The following TMEM267 variants were observed in gnomAD, a reference collection of about 807,000 sequenced individuals.
The protein encoded by TMEM267 is transmembrane protein C5orf28.
TMEM267 carries 20 observed loss-of-function variants against 19.3 expected under a neutral mutation model. The ratio of observed to expected loss-of-function variants is 1.04; its 90% CI spans 0.73 to 1.51. The LOEUF (loss-of-function observed/expected upper bound fraction) is 1.51, where lower values mean the gene tolerates loss of function less well. Among genes scored for constraint, TMEM267 ranks in the 40% most tolerant of loss-of-function variants. The pLI is 0.00. For synonymous variants in TMEM267, 88 were observed against 90.3 expected, an observed-to-expected ratio of 0.97 and a Z score of 0.15; for missense variants, 242 against 261.9, an observed-to-expected ratio of 0.92 and a Z score of 0.52.
chr5:43,457,725 T>C (rs1165814671), intron 1 of TMEM267, among the ~76,000 whole-genome samples: 4 of 152,050 alleles, frequency 2.6e-5, no homozygotes, highest in African/African-American at 9.7e-5. Context: ...GTTTATAAAG[T>C]CTATTAATTA....
chr5:43,453,744 C>A lies in TMEM267; in HGVS notation c.226G>T (p.Asp76Tyr), dbSNP rs1742751992. 1 of 1,614,068 alleles carries A rather than the reference C, an allele frequency of 6.2e-7. No individual in the cohort carries two copies. Residue 76 changes from aspartate to tyrosine, a missense_variant, in exon 2 of 3, where the codon GAC (aspartate) becomes TAC (tyrosine). Physicochemically the swap from Asp to Tyr is radical, Grantham distance 160. Transcript: ENST00000397080. ...CCAGCTAAAATGATTTCTCCAAAGT[C>A]AGTCTTCTTCTTGATTCCAGTGACT... ...AVVTGIKKKT[D>Y]FGEIILAGFL...
chr5:43,456,942 T>C (rs1256241332), intron 1 of TMEM267, among the ~76,000 whole-genome samples: 1 of 152,250 alleles, frequency 6.6e-6, no homozygotes, highest in African/African-American at 2.4e-5. Flanking sequence ...CACATGAATG[T>C]TCATAGCAGC....
At chr5:43,469,944 A>C (rs1180301006) in intron 1 of TMEM267, among the ~76,000 whole-genome samples, 1 of 152,234 alleles carries the variant, frequency 6.6e-6, no homozygotes, top group Non-Finnish European at 1.5e-5. Flanking sequence ...CACCTGAGAC[A>C]AATGGATATC....
intron 2 of TMEM267, among the ~76,000 whole-genome samples, chr5:43,451,406 A>G (rs1309644693): frequency 6.6e-6 from 1 of 152,192 alleles, no homozygotes; most frequent in Non-Finnish European, 1.5e-5. Flanking sequence ...CTCAACAAGA[A>G]TAAAACAAAT....
At chr5:43,479,450 A>G (rs1744623957) in intron 1 of TMEM267, among the ~76,000 whole-genome samples, 1 of 151,874 alleles carries the variant, frequency 6.6e-6, no homozygotes, top group Non-Finnish European at 1.5e-5. Context: ...TAAACAACTC[A>G]TACTTGATTG....
At chr5:43,447,823 T>C (rs1157166993) in intron 2 of TMEM267, among the ~76,000 whole-genome samples, 1 of 152,170 alleles carries the variant, frequency 6.6e-6, no homozygotes, top group Non-Finnish European at 1.5e-5. Flanking sequence ...ACTAGGAAGT[T>C]CAGTTTAAGT....
intron 1 of TMEM267, among the ~76,000 whole-genome samples, chr5:43,481,751 T>C (rs1744785151): frequency 6.6e-6 from 1 of 152,108 alleles, no homozygotes; most frequent in African/African-American, 2.4e-5. Flanking sequence ...ACTGCCGACA[T>C]CCTGACTGCA....
intron 1 of TMEM267, among the ~76,000 whole-genome samples, chr5:43,479,273 A>G (rs979814747): frequency 1.4e-4 from 21 of 152,018 alleles, no homozygotes; most frequent in Non-Finnish European, 3.1e-4. Context: ...ATACAGGTCT[A>G]TTAAAAAATC....
At chr5:43,481,106 C>CTT (rs70994700) in intron 1 of TMEM267, among the ~76,000 whole-genome samples, 40 of 124,432 alleles carry the variant, frequency 3.2e-4, no homozygotes, top group East Asian at 7.2e-4. Flanking sequence ...GCCCGGCTTA[C>CTT]TTTTTTTTTT....
intron 1 of TMEM267, among the ~76,000 whole-genome samples, chr5:43,473,718 T>C (rs370245336): frequency 6.6e-5 from 10 of 152,346 alleles, no homozygotes; most frequent in African/African-American, 2.4e-4. Context: ...GCTATCCTCA[T>C]CAAGCTACCA....
At chr5:43,459,193 C>T (rs892968135) in intron 1 of TMEM267, among the ~76,000 whole-genome samples, 1 of 152,046 alleles carries the variant, frequency 6.6e-6, no homozygotes, top group Non-Finnish European at 1.5e-5. Context: ...AAATTATACA[C>T]CCATGTATGA....
intron 1 of TMEM267, among the ~76,000 whole-genome samples, chr5:43,468,289 C>T (rs150754912): frequency 1.3e-5 from 2 of 152,202 alleles, no homozygotes; most frequent in African/African-American, 4.8e-5. Flanking sequence ...AGATGAATTC[C>T]TGGGAACTGC....
At chr5:43,472,115 T>TA (rs1212627876) in intron 1 of TMEM267, among the ~76,000 whole-genome samples, 2 of 152,034 alleles carry the variant, frequency 1.3e-5, no homozygotes, top group Admixed American at 6.6e-5. Context: ...AATAATCTAA[T>TA]AAAAAATGGG....
At chr5:43,476,814 T>G (rs1173071214) in intron 1 of TMEM267, among the ~76,000 whole-genome samples, 1 of 151,852 alleles carries the variant, frequency 6.6e-6, no homozygotes, top group Non-Finnish European at 1.5e-5. Flanking sequence ...GATGTAATAT[T>G]TGACCCAGAT....
intron 1 of TMEM267, among the ~76,000 whole-genome samples, chr5:43,467,937 T>C (rs184582874): frequency 2.0e-5 from 3 of 152,244 alleles, no homozygotes; most frequent in Non-Finnish European, 4.4e-5. Flanking sequence ...GTATCTGCCT[T>C]TCTGGATGGA....
intron 1 of TMEM267, among the ~76,000 whole-genome samples, chr5:43,463,515 A>G: frequency 6.6e-6 from 1 of 152,184 alleles, no homozygotes; most frequent in Admixed American, 6.5e-5. Context: ...AATATCCTTG[A>G]TGAACATTGA....
chr5:43,451,827 C>A (rs977208721), intron 2 of TMEM267, among the ~76,000 whole-genome samples: 2 of 152,024 alleles, frequency 1.3e-5, no homozygotes, highest in Non-Finnish European at 2.9e-5. Context: ...GTAATCCCAG[C>A]ACTTTGGGAG....
At chr5:43,463,152 T>C (rs990966782) in intron 1 of TMEM267, among the ~76,000 whole-genome samples, 2 of 152,190 alleles carry the variant, frequency 1.3e-5, no homozygotes, top group African/African-American at 2.4e-5. Flanking sequence ...CAGAGAATAC[T>C]AGAAACACCT....
intron 1 of TMEM267, among the ~76,000 whole-genome samples, chr5:43,473,139 C>CAAACAA (rs1554033669): frequency 2.4e-5 from 2 of 84,508 alleles, no homozygotes; most frequent in Non-Finnish European, 4.3e-5. Context: ...CTCCGTGTCA[C>CAAACAA]AAAAAAAAAA....
Sources: allele counts gnomAD v4.1 joint callset (sites outside exome capture counted in the v4.1 genomes callset), GRCh38; gene constraint gnomAD v4.1.1; transcripts MANE v1.5; gene names NCBI Gene and HGNC (gene_info 2026-07-23, HGNC 2026-07-21).